SSPN: variants seen among roughly 807,000 people sequenced by gnomAD.
SSPN encodes K-ras oncogene-associated protein.
Under a neutral mutation model 19.1 loss-of-function variants are expected in SSPN, and 15 were observed. That is an observed-to-expected ratio of 0.78 (90% CI 0.52 to 1.21). The LOEUF is 1.21. Among genes scored for constraint, SSPN ranks in the 50% most tolerant of loss-of-function variants. The probability of loss-of-function intolerance (pLI) is 0.00; values close to 1 mark genes in which losing one functional copy is unlikely to be tolerated. For missense variants in SSPN, 291 were observed against 314.0 expected (o/e 0.93, Z 0.55); for synonymous variants, 147 against 140.3 (o/e 1.05, Z -0.34).
intron 1 of SSPN, chr12:26,123,104 T>A: frequency 6.2e-7 from 1 of 1,609,288 alleles, no homozygotes; most frequent in Non-Finnish European, 8.5e-7. Flanking sequence ...CTTTGGCGCA[T>A]GTTTGAAATC....
Position 26,232,523 on chromosome 12 carries a change from C to G in SSPN, c.*1447C>G. The G allele has an allele frequency of 2.0e-6, 2 of 985,356 alleles. No individual in the cohort carries two copies. Among genetic ancestry groups the G allele is most frequent in the Non-Finnish European group, 2.4e-6 (2 of 829,886 alleles). The allele number at this position is 985,356 out of a possible 1,614,324, so 61.0% of individuals were successfully genotyped here. A position where few individuals can be genotyped will look rare whatever the true frequency, so the allele number is the denominator to read the frequency against. On this transcript the variant is annotated 3_prime_UTR_variant, in exon 3 of 3. Coordinates refer to ENST00000242729, the MANE Select transcript of SSPN (RefSeq NM_005086.5). ...GATAATAATTGAGTTCAATTCGCCT[C>G]TCCGCATTGCCTATTGATACACTTT... is the stretch of plus-strand genomic sequence containing the variant.
chr12:26,151,136 T>G (rs759470660), intron 1 of SSPN, among the ~76,000 whole-genome samples: 3 of 152,196 alleles, frequency 2.0e-5, no homozygotes, highest in African/African-American at 4.8e-5. Flanking sequence ...TTTCTATGAC[T>G]GTTCCTTCTC....
chr12:26,222,611 G>A (rs1185656628), intron 1 of SSPN, among the ~76,000 whole-genome samples: 1 of 152,172 alleles, frequency 6.6e-6, no homozygotes, highest in African/African-American at 2.4e-5. Flanking sequence ...ATCAGGAAAT[G>A]CAATTCTGTT....
intron 1 of SSPN, among the ~76,000 whole-genome samples, chr12:26,128,586 A>G (rs1322145332): frequency 6.6e-6 from 1 of 152,164 alleles, no homozygotes; most frequent in African/African-American, 2.4e-5. Flanking sequence ...TTAGAAAGGG[A>G]AAAAAAGTAC....
intron 1 of SSPN, among the ~76,000 whole-genome samples, chr12:26,215,166 C>G (rs570507808): frequency 3.9e-4 from 60 of 152,264 alleles, no homozygotes; most frequent in African/African-American, 1.3e-3. Flanking sequence ...AAAGGTTGAG[C>G]TAAATTCTGT....
At chr12:26,122,808 G>A (rs760311483) in intron 1 of SSPN, 1 of 1,592,970 alleles carries the variant, frequency 6.3e-7, no homozygotes. Context: ...GTCGGTGTCC[G>A]TGTCGTTCTC....
At chr12:26,183,009 G>A (rs190203583) in intron 1 of SSPN, among the ~76,000 whole-genome samples, 282 of 152,006 alleles carry the variant, frequency 1.9e-3, no homozygotes, top group African/African-American at 6.7e-3. Context: ...CAAGTGATCC[G>A]CCTGCCTCAG....
chr12:26,157,495 C>G (rs1174829678), intron 1 of SSPN, among the ~76,000 whole-genome samples: 1 of 152,142 alleles, frequency 6.6e-6, no homozygotes, highest in Non-Finnish European at 1.5e-5. Context: ...AAAATTCACA[C>G]TGGATATACT....
rs71435694 is a variant in SSPN, at chr12:26,228,653, T to TACAC, written c.367-2040_367-2037dup. Among the ~76,000 whole-genome samples the TACAC allele has an allele frequency of 2.3e-3, 348 of 149,490 alleles. 3 individuals are homozygous for TACAC. Among genetic ancestry groups the TACAC allele is most frequent in the Middle Eastern group, 0.017 (5 of 290 alleles). ...GTACTGGGAATACAGCTACGATGGG[T>TACAC]ACACACACACACACACACACAGAAC... On this transcript the variant is annotated intron_variant, in intron 2 of 2. Coordinates refer to ENST00000242729, the MANE Select transcript of SSPN (RefSeq NM_005086.5).
At chr12:26,171,756 A>G (rs1161623407) in intron 1 of SSPN, among the ~76,000 whole-genome samples, 1 of 152,230 alleles carries the variant, frequency 6.6e-6, no homozygotes, top group African/African-American at 2.4e-5. Flanking sequence ...ATAAGTATCA[A>G]TAGATATAAT....
chr12:26,201,971 G>A (rs1944889607), intron 1 of SSPN, among the ~76,000 whole-genome samples: 1 of 152,090 alleles, frequency 6.6e-6, no homozygotes, highest in East Asian at 1.9e-4. Context: ...AGTATCTGCA[G>A]GGGATTGGTA....
intron 1 of SSPN, among the ~76,000 whole-genome samples, chr12:26,153,559 ATG>A (rs1372613459): frequency 6.6e-6 from 1 of 152,210 alleles, no homozygotes; most frequent in Non-Finnish European, 1.5e-5. Flanking sequence ...TTTTGAATGA[ATG>A]TGTGCATAAA....
At position 26,202,564 on chromosome 12, in the gene SSPN, C is replaced by T. The variant is rs115017466; in HGVS notation, c.279+6613C>T. On this transcript the variant is annotated intron_variant, in intron 1 of 2. Coordinates refer to ENST00000242729, the MANE Select transcript of SSPN (RefSeq NM_005086.5). Reference sequence around the variant, plus strand: ...TGATATTACCACTCTTAACCTTTTACGAAGAAAACAATGGCATAGGTTTCT... The same window carrying T: ...TGATATTACCACTCTTAACCTTTTATGAAGAAAACAATGGCATAGGTTTCT... Among the ~76,000 whole-genome samples, 841 of 152,294 alleles carry T rather than the reference C, an allele frequency of 5.5e-3. 11 individuals carry two copies. Among genetic ancestry groups the T allele is most frequent in the African/African-American group, 0.019 (789 of 41,552 alleles).
intron 1 of SSPN, among the ~76,000 whole-genome samples, chr12:26,183,536 G>T (rs983416310): frequency 2.0e-5 from 3 of 152,206 alleles, no homozygotes; most frequent in Non-Finnish European, 4.4e-5. Context: ...CTCTTTAATT[G>T]AGCATTTATT....
chr12:26,212,412 T>A (rs1254440009), intron 1 of SSPN, among the ~76,000 whole-genome samples: 1 of 152,194 alleles, frequency 6.6e-6, no homozygotes, highest in Non-Finnish European at 1.5e-5. Flanking sequence ...GAATTGACTT[T>A]TCCCTGAGAA....
At position 26,160,809 on chromosome 12, in the gene SSPN, T is replaced by TA. The variant is rs537428841; in HGVS notation, c.-31+38657_-31+38658insA. Among the ~76,000 whole-genome samples, 52 of 152,128 alleles carry TA rather than the reference T, an allele frequency of 3.4e-4. 1 individual carries two copies. The highest frequency in any genetic ancestry group is 1.2e-3 in the African/African-American group (49 of 41,486). On this transcript the variant is annotated intron_variant, in intron 1 of 2. Transcript: ENST00000538142. ...CTAACACAGCAGTGTGAGTGAGCATTTAAAAAAATCAAAGTCGACTGGGCA... is the reference window on the plus strand; with the variant it reads ...CTAACACAGCAGTGTGAGTGAGCATTATAAAAAAATCAAAGTCGACTGGGCA...
At chr12:26,133,758 CCA>C (rs757390425) in intron 1 of SSPN, among the ~76,000 whole-genome samples, 2 of 152,222 alleles carry the variant, frequency 1.3e-5, no homozygotes, top group African/African-American at 4.8e-5. Context: ...TGTGTCTCTG[CCA>C]CTTTCCACAT....
chr12:26,162,714 CA>C (rs148269045), intron 1 of SSPN, among the ~76,000 whole-genome samples: 8,998 of 152,130 alleles, frequency 0.059, 398 homozygotes, highest in South Asian at 0.12. Context: ...TACTAAAGCT[CA>C]AATTTAAAGT....
Position 26,195,884 on chromosome 12 carries a change from G to A in SSPN, c.212G>A (p.Gly71Asp), listed in dbSNP as rs1172434713. 3 of 1,576,154 alleles carry A rather than the reference G, an allele frequency of 1.9e-6. No homozygotes were observed. Among genetic ancestry groups the A allele is most frequent in the Non-Finnish European group, 2.6e-6 (3 of 1,164,434 alleles). The change falls in exon 1 of 3, where the codon GGC (glycine) becomes GAC (aspartate). Residue 71 changes from glycine (G) to aspartate (D), a missense_variant. Coordinates refer to ENST00000242729, the MANE Select transcript of SSPN (RefSeq NM_005086.5). Reference protein sequence around the residue: ...LALGIAVTVVGFLMASISSSL... With the variant: ...LALGIAVTVVDFLMASISSSL... ...CTGGGCATCGCCGTGACCGTGGTGG[G>A]CTTCCTCATGGCGAGCATCAGCTCC...
Sources: gnomAD v4.1 joint callset for allele counts (sites outside exome capture counted in the v4.1 genomes callset) on GRCh38, gnomAD v4.1.1 for gene constraint, MANE v1.5 for transcripts, NCBI Gene and HGNC (gene_info 2026-07-23, HGNC 2026-07-21) for gene names.